The following FAM186A variants were observed in gnomAD, a reference collection of about 807,000 sequenced individuals.
FAM186A encodes protein FAM186A.
In FAM186A, 163 loss-of-function variants were observed where a neutral mutation model predicts 216.8. The ratio of observed to expected loss-of-function variants is 0.75; its 90% confidence interval spans 0.66 to 0.86. The LOEUF (loss-of-function observed/expected upper bound fraction) is 0.86, where lower values mean the gene tolerates loss of function less well. FAM186A is among the 40% of genes least tolerant of loss of function. The pLI, the probability that FAM186A is intolerant of heterozygous loss-of-function variation, is 0.00. For synonymous variants in FAM186A, 805 were observed against 1,025.3 expected, an observed-to-expected ratio of 0.79 and a Z score of 4.10; for missense variants, 2,184 against 2,746.2, an observed-to-expected ratio of 0.80 and a Z score of 4.58.
chr12:50,354,119 C>A lies in FAM186A; in HGVS notation c.2713G>T (p.Glu905Ter), dbSNP rs1331712539. Residue 905 changes from glutamate (E) to a stop codon, truncating the protein, a stop_gained, in exon 4 of 8, where the codon GAA (glutamate) becomes TAA (stop). Coordinates refer to ENST00000327337, the MANE Select transcript of FAM186A (RefSeq NM_001145475.3). LOFTEE classifies it high-confidence loss of function. Reference sequence around the variant, plus strand: ...TCCTGTCCTCTTTGCTTTTGCTTTTCCTCTTGCTCAGCCTGCTTTGGAGTT... The same window carrying A: ...TCCTGTCCTCTTTGCTTTTGCTTTTACTCTTGCTCAGCCTGCTTTGGAGTT... The part of the protein sequence containing the change: ...QATPKQAEQE[E>*]KQKQRGQEEE... 1.3e-6 allele frequency: 2 copies of A among 1,551,612 alleles called. No individual in the cohort carries two copies. The highest frequency in any genetic ancestry group is 3.9e-5 in the Admixed American group (2 of 50,968).
intron 1 of FAM186A, among the ~76,000 whole-genome samples, chr12:50,373,116 G>T (rs1943165823): frequency 9.5e-6 from 1 of 105,182 alleles, no homozygotes. Flanking sequence ...AGAAAAACTA[G>T]GCTGGGCAAC....
intron 3 of FAM186A, among the ~76,000 whole-genome samples, chr12:50,357,634 T>G (rs572826398): frequency 6.6e-6 from 1 of 152,292 alleles, no homozygotes; most frequent in East Asian, 1.9e-4. Flanking sequence ...TTTTAGGACT[T>G]TGAAATTGAC....
intron 1 of FAM186A, among the ~76,000 whole-genome samples, chr12:50,367,909 G>A (rs1464186060): frequency 2.0e-5 from 3 of 152,188 alleles, no homozygotes; most frequent in African/African-American, 7.2e-5. Context: ...ACTTTGGAAG[G>A]CCGAGGCGGG....
rs1257506142 is a variant in FAM186A, at chr12:50,354,297, T to G, written c.2535A>C (p.Gly845=). 2 of 1,551,706 alleles carry G rather than the reference T, an allele frequency of 1.3e-6. No individual in the cohort carries two copies. Among genetic ancestry groups the G allele is most frequent in the South Asian group, 1.2e-5 (1 of 84,056 alleles). Residue 845 remains glycine, a synonymous_variant, in exon 4 of 8, where the codon GGA becomes GGC. Coordinates refer to ENST00000327337, the MANE Select transcript of FAM186A (RefSeq NM_001145475.3). ...SGMSLKQQLL[G]ERNLLKEHYE... ...AGTGCTCCTTCAAGAGATTTCTTTC[T>G]CCCAGCAACTGCTGTTTGAGACTCA...
rs1172643222 is a variant in FAM186A at position 50,373,048 on chromosome 12, AAAGAAAG to A, written c.193-9691_193-9685del. Reference sequence around the variant, plus strand: ...GAAAGAAAGAAAGAAAGAAAGAAAGAAAGAAAGAAAGAAAGAAAGAAAGAAAGAGAAA... The same window carrying A: ...GAAAGAAAGAAAGAAAGAAAGAAAGAAAAGAAAGAAAGAAAGAAAGAGAAA... On this transcript the variant is annotated intron_variant, in intron 1 of 7. Coordinates refer to ENST00000327337, the MANE Select transcript of FAM186A (RefSeq NM_001145475.3). Among the ~76,000 whole-genome samples the A allele has an allele frequency of 8.0e-5, 12 of 150,354 alleles. No homozygotes were observed. The East Asian group carries it at 2.4e-3, about 29-fold the overall frequency.
chr12:50,366,483 C>A (rs1397120594), intron 1 of FAM186A, among the ~76,000 whole-genome samples: 1 of 151,904 alleles, frequency 6.6e-6, no homozygotes, highest in Non-Finnish European at 1.5e-5. Context: ...TACAGAAAAC[C>A]TTAGCAAAAT....
chr12:50,350,255 C>T (rs1216365386), intron 4 of FAM186A, 74 bp downstream of exon 4: 24 of 1,315,738 alleles, frequency 1.8e-5, no homozygotes, highest in Non-Finnish European at 2.4e-5. Flanking sequence ...TATGAATATA[C>T]TTCTGGGACA....
Position 50,391,302 on chromosome 12 carries a change from TTTTTTTA to T in FAM186A, c.192+4984_192+4990del, listed in dbSNP as rs1300280900. ...AGCCACCATGCCAGGCCTTATTTTATTTTTTTATTTTTTATTTTTTATATATATTTTT... is the reference window on the plus strand; with the variant it reads ...AGCCACCATGCCAGGCCTTATTTTATTTTTTTATTTTTTATATATATTTTT... On this transcript the variant is annotated intron_variant, in intron 1 of 7. Transcript: ENST00000327337. Among the ~76,000 whole-genome samples the T allele has an allele frequency of 1.3e-4, 20 of 151,038 alleles. 1 individual carries two copies. The East Asian group carries it at 1.6e-3, about 12-fold the overall frequency.
At position 50,357,018 on chromosome 12, in the gene FAM186A, A is replaced by G. The variant is rs557912160; in HGVS notation, c.584-770T>C. 2.9e-4 allele frequency among the ~76,000 whole-genome samples: 43 copies of G among 150,474 alleles called. No individual in the cohort carries two copies. The East Asian group carries it at 8.8e-3, about 31-fold the overall frequency. ...CGTCTCAACATACATACATACATAC[A>G]TACATACATACATACATACATACAT... is the stretch of plus-strand genomic sequence containing the variant. On this transcript the variant is annotated intron_variant, in intron 3 of 7. Coordinates refer to ENST00000327337, the MANE Select transcript of FAM186A (RefSeq NM_001145475.3).
chr12:50,351,025 G>C lies in FAM186A; in HGVS notation c.5807C>G (p.Pro1936Arg), dbSNP rs543590997. ...CTGGGGCTTTCCAGGGGCTGGGGAC[G>C]GCCATAGTGTGGGAGGATGTCTAGA... is the stretch of plus-strand genomic sequence containing the variant. The part of the protein sequence containing the change: ...PTSRHPPTLW[P>R]SPAPGKPQKS... Residue 1936 changes from proline to arginine, a missense_variant, in exon 4 of 8, where the codon CCG becomes CGG. Pro to Arg is a moderately radical substitution (Grantham distance 103, BLOSUM62 -2). Coordinates refer to ENST00000327337, the MANE Select transcript of FAM186A (RefSeq NM_001145475.3). 5.2e-6 allele frequency: 8 copies of C among 1,551,182 alleles called. No individual in the cohort carries two copies. Among genetic ancestry groups the C allele is most frequent in the African/African-American group, 1.4e-5 (1 of 72,944 alleles).
At chr12:50,391,462 C>A (rs1388272398) in intron 1 of FAM186A, among the ~76,000 whole-genome samples, 2 of 149,472 alleles carry the variant, frequency 1.3e-5, no homozygotes, top group African/African-American at 5.0e-5. Context: ...ACCACAGGTA[C>A]CTGCCACCAT....
chr12:50,334,684 T>C (rs1444402777), intron 4 of FAM186A, among the ~76,000 whole-genome samples: 1 of 151,808 alleles, frequency 6.6e-6, no homozygotes, highest in East Asian at 1.9e-4. Context: ...TGCCATGTTG[T>C]CCAGGCTGGT....
chr12:50,350,166 CT>C (rs1328753985), intron 4 of FAM186A, among the ~76,000 whole-genome samples, 162 bp downstream of exon 4: 5 of 151,994 alleles, frequency 3.3e-5, no homozygotes, highest in Non-Finnish European at 5.9e-5. Flanking sequence ...AAAAATATAT[CT>C]CCTTTTGCTA....
In FAM186A at chr12:50,350,628, G is replaced by T; in HGVS notation, c.6204C>A (p.Ser2068=). 6.4e-7 allele frequency: 1 copy of T among 1,551,592 alleles called. No individual in the cohort carries two copies. Among genetic ancestry groups the T allele is most frequent in the East Asian group, 2.4e-5 (1 of 40,918 alleles). The part of the protein sequence containing the change: ...QISPLEWYQK[S]RFPPIDKPWI... ...AGGGCTTGTCTATAGGAGGGAATCG[G>T]GATTTCTGGTACCATTCCAAAGGTG... Residue 2068 remains serine (S), a synonymous_variant, in exon 4 of 8, where the codon TCC becomes TCA. Transcript: ENST00000327337.
intron 4 of FAM186A, among the ~76,000 whole-genome samples, chr12:50,348,353 TAG>T (rs969598905): frequency 5.9e-5 from 9 of 151,634 alleles, no homozygotes; most frequent in Non-Finnish European, 1.2e-4. Context: ...GTATTTTTAG[TAG>T]AGAAGGGGTT....
chr12:50,381,070 C>T (rs1031284982), intron 1 of FAM186A, among the ~76,000 whole-genome samples: 3 of 152,180 alleles, frequency 2.0e-5, no homozygotes, highest in Non-Finnish European at 4.4e-5. Flanking sequence ...TGTGGTGGCA[C>T]CCAGAAGCTT....
chr12:50,336,172 A>G (rs1486451689), intron 4 of FAM186A, among the ~76,000 whole-genome samples: 2 of 151,744 alleles, frequency 1.3e-5, no homozygotes, highest in African/African-American at 4.8e-5. Context: ...GAAGGTGTCA[A>G]GCAGAATTTT....
intron 1 of FAM186A, among the ~76,000 whole-genome samples, chr12:50,394,168 C>A (rs1471724419): frequency 6.6e-6 from 1 of 152,162 alleles, no homozygotes; most frequent in African/African-American, 2.4e-5. Context: ...ATCCACCTGC[C>A]TCTGCCTCCC....
At chr12:50,392,943 T>C (rs1382993924) in intron 1 of FAM186A, among the ~76,000 whole-genome samples, 2 of 148,254 alleles carry the variant, frequency 1.3e-5, no homozygotes, top group Non-Finnish European at 3.0e-5. Context: ...TTTTTTTTTT[T>C]TGAGGCGGAG....
Sources: allele counts gnomAD v4.1 joint callset (sites outside exome capture counted in the v4.1 genomes callset), GRCh38; gene constraint gnomAD v4.1.1; transcripts MANE v1.5; gene names NCBI Gene and HGNC (gene_info 2026-07-23, HGNC 2026-07-21).